The following BIRC6 variants were observed in gnomAD, a reference collection of about 807,000 sequenced individuals.
The protein encoded by BIRC6 is dual E2 ubiquitin-conjugating enzyme/E3 ubiquitin-protein ligase BIRC6.
BIRC6 carries 98 observed loss-of-function variants against 503.3 expected under a neutral mutation model. The ratio of observed to expected loss-of-function variants is 0.19; its 90% CI spans 0.17 to 0.23. BIRC6 has a LOEUF of 0.23. BIRC6 is among the 10% of genes least tolerant of loss of function. The pLI, the probability that BIRC6 is intolerant of heterozygous loss-of-function variation, is 1.00. For synonymous variants in BIRC6, 2,240 were observed against 2,078.7 expected (o/e 1.08, Z -2.11); for missense variants, 5,360 against 5,806.0 (o/e 0.92, Z 2.50).
chr2:32,577,026 C>A (rs987605520), intron 66 of BIRC6, among the ~76,000 whole-genome samples: 1 of 151,784 alleles, frequency 6.6e-6, no homozygotes, highest in Non-Finnish European at 1.5e-5. Context: ...TCTTGTGGCC[C>A]CCCCCAGAAT....
intron 45 of BIRC6, among the ~76,000 whole-genome samples, chr2:32,494,639 C>T (rs182530640): frequency 1.9e-4 from 29 of 152,024 alleles, no homozygotes; most frequent in South Asian, 4.2e-4. Flanking sequence ...CAGTGGCTCA[C>T]GCCTGTAATC....
At position 32,435,492 on chromosome 2, in the gene BIRC6, C is replaced by G; in HGVS notation, c.3410-4C>G. 5 of 1,550,566 alleles carry G rather than the reference C, an allele frequency of 3.2e-6. No homozygotes were observed. Among genetic ancestry groups the G allele is most frequent in the South Asian group, 1.2e-5 (1 of 83,590 alleles). ...TAGGCAGATCACCTTTCCTTTGTCT[C>G]CAGCTCTTAACATTGAAGTGGAACA... On this transcript the variant is annotated splice_region_variant and splice_polypyrimidine_tract_variant and intron_variant, in intron 13 of 73. Transcript: ENST00000421745.
intron 13 of BIRC6, among the ~76,000 whole-genome samples, chr2:32,434,776 C>G (rs1377396846): frequency 6.6e-6 from 1 of 152,114 alleles, no homozygotes; most frequent in Non-Finnish European, 1.5e-5. Flanking sequence ...AGGAGGATCA[C>G]TTGAGCCCAG....
intron 13 of BIRC6, among the ~76,000 whole-genome samples, chr2:32,434,368 C>T (rs2148075665): frequency 6.6e-6 from 1 of 152,202 alleles, no homozygotes; most frequent in East Asian, 1.9e-4. Flanking sequence ...AACTTAACCC[C>T]AGTTTCAAAC....
At chr2:32,544,922 A>G (rs1273327464) in intron 62 of BIRC6, among the ~76,000 whole-genome samples, 2 of 151,986 alleles carry the variant, frequency 1.3e-5, no homozygotes, top group Non-Finnish European at 2.9e-5. Context: ...TTATTGATAC[A>G]TAGTAGTTGT....
intron 3 of BIRC6, among the ~76,000 whole-genome samples, chr2:32,386,228 A>G (rs1317390681): frequency 3.3e-5 from 5 of 152,150 alleles, no homozygotes; most frequent in Non-Finnish European, 2.9e-5. Context: ...AAAAGTAAAG[A>G]TAGAAAAATA....
Position 32,481,344 on chromosome 2 carries a change from A to T in BIRC6, c.7433A>T (p.Glu2478Val), listed in dbSNP as rs776953179. Residue 2478 changes from glutamate (E) to valine (V), a missense_variant, in exon 38 of 74, where the codon GAA becomes GTA. By Grantham distance (121) the Glu-to-Val change is moderately radical (BLOSUM62 -2). Coordinates refer to ENST00000421745, the MANE Select transcript of BIRC6 (RefSeq NM_016252.4). ...ITGAPPLSSL[E>V]KDKEIDLELL... is the part of the protein sequence containing the mutation. ...GGTGCACCTCCTCTGTCCTCTTTGG[A>T]AAAAGATAAAGAAATTGACCTTGAG... The T allele has an allele frequency of 6.2e-7, 1 of 1,609,418 alleles. No individual in the cohort carries two copies. Among genetic ancestry groups the T allele is most frequent in the South Asian group, 1.1e-5 (1 of 90,400 alleles).
rs768053803 is a variant in BIRC6 at position 32,467,726 on chromosome 2, G to T, written c.5558G>T (p.Cys1853Phe). The stretch of plus-strand genomic sequence containing the variant: ...CATGACTTAATACCACCTCCCGTGT[G>T]CAGATTCATGAAGGTAAAGAACTTT... The part of the protein sequence containing the change: ...ILHDLIPPPV[C>F]RFMKITVIGR... Residue 1853 changes from cysteine to phenylalanine, a missense_variant, in exon 27 of 74, where the codon TGC becomes TTC. Around this residue, in one of 16 missense-constraint regions of BIRC6, gnomAD observed 2,299 missense variants for 2,267.2 expected, o/e 1.01. Transcript: ENST00000421745. 6.2e-7 allele frequency: 1 copy of T among 1,612,764 alleles called. No individual in the cohort carries two copies. Among genetic ancestry groups the T allele is most frequent in the East Asian group, 2.2e-5 (1 of 44,860 alleles).
chr2:32,451,275 A>G (rs1004302670), intron 22 of BIRC6, among the ~76,000 whole-genome samples: 2 of 152,120 alleles, frequency 1.3e-5, no homozygotes, highest in Admixed American at 6.5e-5. Flanking sequence ...TTTCCTTGCC[A>G]CTTTATCTTG....
At chr2:32,537,352 A>G (rs951719761) in intron 61 of BIRC6, among the ~76,000 whole-genome samples, 13 of 152,202 alleles carry the variant, frequency 8.5e-5, no homozygotes, top group South Asian at 4.1e-4. Context: ...AATTGACCAC[A>G]TAGTTGGAAG....
chr2:32,494,808 C>T (rs1039992948), intron 45 of BIRC6, among the ~76,000 whole-genome samples: 1 of 151,940 alleles, frequency 6.6e-6, no homozygotes, highest in Non-Finnish European at 1.5e-5. Context: ...TACTGTGGAG[C>T]CTGATGCAGG....
rs201335777 is a variant in BIRC6, at chr2:32,515,074, C to T, written c.10653C>T (p.His3551=). 1.9e-4 allele frequency: 310 copies of T among 1,613,900 alleles called. 1 individual carries two copies. Among genetic ancestry groups the T allele is most frequent in the Middle Eastern group, 3.3e-4 (2 of 6,062 alleles). The change falls in exon 55 of 74, where the codon CAC becomes CAT. Residue 3551 remains histidine, a synonymous_variant. Coordinates refer to ENST00000421745, the MANE Select transcript of BIRC6 (RefSeq NM_016252.4). ...AVDSLLCSMC[H]VHPNYFSLLM... is the part of the protein sequence containing the mutation. ...ACAGTCTACTTTGCTCAATGTGTCA[C>T]GTACACCCAAACTATTTTTCTTTGC...
At chr2:32,361,415 CAG>C (rs1363423197) in intron 1 of BIRC6, among the ~76,000 whole-genome samples, 2 of 152,082 alleles carry the variant, frequency 1.3e-5, no homozygotes, top group East Asian at 3.9e-4. Flanking sequence ...GCAGAAAGTA[CAG>C]ACAGTTCCCA....
At chr2:32,539,815 AT>A in intron 61 of BIRC6, among the ~76,000 whole-genome samples, 1 of 152,232 alleles carries the variant, frequency 6.6e-6, no homozygotes, top group South Asian at 2.1e-4. Flanking sequence ...GCCAGAATCA[AT>A]TAAATATAAA....
intron 68 of BIRC6, among the ~76,000 whole-genome samples, chr2:32,596,240 T>C (rs558169815): frequency 3.3e-5 from 5 of 152,134 alleles, no homozygotes; most frequent in South Asian, 4.1e-4. Context: ...TCCAGCACTT[T>C]AGGAGGCCGA....
chr2:32,374,654 A>C (rs1407234290), intron 1 of BIRC6, among the ~76,000 whole-genome samples: 1 of 151,796 alleles, frequency 6.6e-6, no homozygotes, highest in Non-Finnish European at 1.5e-5. Flanking sequence ...TTGTATTTTT[A>C]GTAGAGACGG....
chr2:32,392,256 G>A (rs2039324817), intron 5 of BIRC6, 106 bp downstream of exon 5: 1 of 779,720 alleles, frequency 1.3e-6, no homozygotes, highest in Non-Finnish European at 2.1e-6. Context: ...TGTGCACCTT[G>A]TATGCTTGCT....
At chr2:32,451,690 T>C (rs1022949036) in intron 22 of BIRC6, among the ~76,000 whole-genome samples, 1 of 152,220 alleles carries the variant, frequency 6.6e-6, no homozygotes, top group Non-Finnish European at 1.5e-5. Flanking sequence ...AACTACTTGC[T>C]TGTTTCTTGG....
intron 19 of BIRC6, 67 bp from the exon 20 acceptor site, chr2:32,443,424 C>T: frequency 4.7e-6 from 5 of 1,075,184 alleles, no homozygotes; most frequent in South Asian, 1.5e-5. Context: ...GGTACCACAC[C>T]AGGTTTAGGG....
Sources: allele counts gnomAD v4.1 joint callset (sites outside exome capture counted in the v4.1 genomes callset), GRCh38; gene constraint gnomAD v4.1.1; regional missense constraint gnomAD v4.1.1; transcripts MANE v1.5; gene names NCBI Gene and HGNC (gene_info 2026-07-23, HGNC 2026-07-21).